Variants in ZSCAN5A observed in about 807,000 individuals in gnomAD.
The protein encoded by ZSCAN5A is zinc finger and SCAN domain containing 5A.
In ZSCAN5A, 12 loss-of-function variants were observed where a neutral mutation model predicts 23.7. That is an observed-to-expected ratio of 0.51 (90% CI 0.32 to 0.82). The LOEUF (loss-of-function observed/expected upper bound fraction) is 0.82. Ranked by LOEUF, ZSCAN5A falls within the 40% of genes least tolerant of loss-of-function variation. The pLI, the probability that ZSCAN5A is intolerant of heterozygous loss-of-function variation, is 0.03. For missense variants in ZSCAN5A, 597 were observed against 617.9 expected, an observed-to-expected ratio of 0.97 and a Z score of 0.36; for synonymous variants, 257 against 239.9, an observed-to-expected ratio of 1.07 and a Z score of -0.66.
At position 56,357,018 on chromosome 19, in the gene ZSCAN5A, T is replaced by C. The variant is rs1307491050; in HGVS notation, c.-358+6217A>G. Among the ~76,000 whole-genome samples the C allele has an allele frequency of 1.3e-5, 2 of 148,848 alleles. 1 individual carries two copies. Among genetic ancestry groups the C allele is most frequent in the African/African-American group, 5.1e-5 (2 of 39,480 alleles). ...ATTTAAAGGATATTTTCATAGGATA[T>C]AGCATTAAGTATTTTTTATTCTTCA... On this transcript the variant is annotated intron_variant, in intron 2 of 6. Transcript: ENST00000587340.
Position 56,234,497 on chromosome 19 carries a change from T to TAA in ZSCAN5A, c.-127-9326_-127-9325dup, listed in dbSNP as rs368156018. Among the ~76,000 whole-genome samples, 11 of 148,756 alleles carry TAA rather than the reference T, an allele frequency of 7.4e-5. No homozygotes were observed. In the South Asian group the frequency reaches 1.7e-3, roughly 23 times the overall value. On this transcript the variant is annotated intron_variant, in intron 2 of 5. Coordinates refer to ENST00000683990, the MANE Select transcript of ZSCAN5A (RefSeq NM_001322064.3). ...ATTGTTTTATACTCAATACCTGTTT[T>TAA]AAAAAAAAAACAACAAGGAAGTAAA...
intron 2 of ZSCAN5A, among the ~76,000 whole-genome samples, chr19:56,264,720 C>T (rs562889469): frequency 6.6e-5 from 10 of 152,252 alleles, no homozygotes; most frequent in Admixed American, 4.6e-4. Context: ...TGAGTAATTG[C>T]GACAGGGACC....
intron 2 of ZSCAN5A, chr19:56,274,763 TTTTTTGTTTTG>T (rs1301167950): frequency 6.1e-4 from 33 of 53,858 alleles, no homozygotes; most frequent in Admixed American, 4.5e-3. Flanking sequence ...TTCAATTAAG[TTTTTTGTTTTG>T]TTTTGTTTTG....
upstream of ZSCAN5A, chr19:56,315,259 A>C (rs1407553218): frequency 1.3e-5 from 2 of 152,134 alleles, no homozygotes; most frequent in Non-Finnish European, 2.9e-5. Flanking sequence ...AAAGGACGGG[A>C]TAGAGTTGCA....
chr19:56,325,827 TAAG>T (rs2041427088), intron 2 of ZSCAN5A, among the ~76,000 whole-genome samples: 1 of 152,074 alleles, frequency 6.6e-6, no homozygotes. Context: ...GTTAAAGAAT[TAAG>T]AAGACAATAT....
intron 2 of ZSCAN5A, among the ~76,000 whole-genome samples, chr19:56,241,374 C>T (rs1475450905): frequency 6.6e-6 from 1 of 152,198 alleles, no homozygotes; most frequent in Non-Finnish European, 1.5e-5. Context: ...GCCCTTGCAG[C>T]AAAGCCACTT....
intron 2 of ZSCAN5A, among the ~76,000 whole-genome samples, chr19:56,273,522 G>T (rs1329728208): frequency 2.0e-5 from 3 of 152,140 alleles, no homozygotes; most frequent in Non-Finnish European, 4.4e-5. Context: ...CTAGTGTGGG[G>T]ATTCGGAGAT....
At position 56,221,503 on chromosome 19, in the gene ZSCAN5A, T is replaced by C. The variant is rs1411933834; in HGVS notation, c.*72A>G. 2.0e-6 allele frequency: 3 copies of C among 1,513,698 alleles called. No homozygotes were observed. The highest frequency in any genetic ancestry group is 2.8e-5 in the African/African-American group (2 of 71,626). The allele number at this position is 1,513,698 out of a possible 1,614,324, so 93.8% of individuals were successfully genotyped here. A position where few individuals can be genotyped will look rare whatever the true frequency, so the allele number is the denominator to read the frequency against. ...CAGACGCCCTTGCATGTGTCAAATG[T>C]CATCTGATAACATTGATGAAAAATA... On this transcript the variant is annotated 3_prime_UTR_variant, in exon 6 of 6. Coordinates refer to ENST00000683990, the MANE Select transcript of ZSCAN5A (RefSeq NM_001322064.3).
intron 2 of ZSCAN5A, among the ~76,000 whole-genome samples, chr19:56,287,079 T>A (rs945520171): frequency 3.3e-5 from 5 of 152,206 alleles, no homozygotes; most frequent in African/African-American, 1.2e-4. Context: ...CACCATTCCA[T>A]GGATTCTGGA....
chr19:56,225,659 T>C (rs1020199398), intron 2 of ZSCAN5A, among the ~76,000 whole-genome samples: 4 of 152,232 alleles, frequency 2.6e-5, no homozygotes, highest in African/African-American at 9.6e-5. Context: ...CCTATGAGGA[T>C]TAAGCACCTA....
In ZSCAN5A at chr19:56,334,708, T is replaced by C. The variant is rs531079461; in HGVS notation, c.-357-18440A>G. Reference sequence around the variant, plus strand: ...CAGGTACTGGAAAATCTGAGATGACTAGGGACTGGAGAGGACTCCTAGCAA... The same window carrying C: ...CAGGTACTGGAAAATCTGAGATGACCAGGGACTGGAGAGGACTCCTAGCAA... On this transcript the variant is annotated intron_variant, in intron 2 of 6. Coordinates refer to the ZSCAN5A transcript ENST00000587340. Among the ~76,000 whole-genome samples, 21 of 152,234 alleles carry C rather than the reference T, an allele frequency of 1.4e-4. 1 individual carries two copies. In the South Asian group the frequency reaches 4.4e-3, roughly 32 times the overall value.
At chr19:56,230,858 C>A (rs186891237) in intron 2 of ZSCAN5A, among the ~76,000 whole-genome samples, 11 of 152,310 alleles carry the variant, frequency 7.2e-5, no homozygotes, top group African/African-American at 2.4e-4. Flanking sequence ...CATTTACATT[C>A]CCCTGCAGTC....
intron 2 of ZSCAN5A, among the ~76,000 whole-genome samples, chr19:56,270,219 A>C (rs2037751923): frequency 1.3e-5 from 2 of 151,854 alleles, no homozygotes; most frequent in Non-Finnish European, 2.9e-5. Context: ...GGAGTTCGAG[A>C]CCAGCCTGGC....
rs1304678013 is a variant in ZSCAN5A at position 56,329,822 on chromosome 19, A to T, written c.-357-13554T>A. ...CCCAACAATGAATGTTTTTATTTTT[A>T]AAAAATTTTTATTTCAAAACTAATT... On this transcript the variant is annotated intron_variant, in intron 2 of 6. Coordinates refer to the ZSCAN5A transcript ENST00000587340. 7.9e-5 allele frequency among the ~76,000 whole-genome samples: 12 copies of T among 152,296 alleles called. No homozygotes were observed. The East Asian group carries it at 9.6e-4, about 12-fold the overall frequency.
At position 56,326,078 on chromosome 19, in the gene ZSCAN5A, C is replaced by G. The variant is rs570296984; in HGVS notation, c.-357-9810G>C. On this transcript the variant is annotated intron_variant, in intron 2 of 6. Coordinates refer to the ZSCAN5A transcript ENST00000587340. Reference sequence around the variant, plus strand: ...CTCCTGAGTAGCTGGGACTACAGGCCCCCGCCACCACGCCCAGCTAATTTT... The same window carrying G: ...CTCCTGAGTAGCTGGGACTACAGGCGCCCGCCACCACGCCCAGCTAATTTT... Among the ~76,000 whole-genome samples, 17 of 151,672 alleles carry G rather than the reference C, an allele frequency of 1.1e-4. No homozygotes were observed. In the East Asian group the frequency reaches 2.1e-3, roughly 19 times the overall value.
chr19:56,268,485 T>A (rs1480468459), intron 2 of ZSCAN5A, among the ~76,000 whole-genome samples: 1 of 152,244 alleles, frequency 6.6e-6, no homozygotes, highest in Admixed American at 6.5e-5. Context: ...TAGTTACTTT[T>A]AATACTTTTT....
At chr19:56,244,213 C>T (rs563177710) in intron 2 of ZSCAN5A, 2 of 1,607,798 alleles carry the variant, frequency 1.2e-6, no homozygotes, top group African/African-American at 1.3e-5. Context: ...AGGAGTCGGA[C>T]CCCATCCAGG....
chr19:56,300,530 G>C (rs1371411953), intron 2 of ZSCAN5A, among the ~76,000 whole-genome samples: 1 of 152,206 alleles, frequency 6.6e-6, no homozygotes, highest in Non-Finnish European at 1.5e-5. Flanking sequence ...AAGATGTTTC[G>C]AGGTCCTTGA....
intron 2 of ZSCAN5A, among the ~76,000 whole-genome samples, chr19:56,281,231 G>A (rs2038673827): frequency 6.6e-6 from 1 of 152,148 alleles, no homozygotes; most frequent in Non-Finnish European, 1.5e-5. Flanking sequence ...AGGCTGACCA[G>A]AAGAAGGAAG....
Sources: allele counts gnomAD v4.1 joint callset (sites outside exome capture counted in the v4.1 genomes callset), GRCh38; gene constraint gnomAD v4.1.1; transcripts MANE v1.5; gene names NCBI Gene and HGNC (gene_info 2026-07-23, HGNC 2026-07-21).